MTUS2: variants seen among roughly 807,000 people sequenced by gnomAD.
The protein encoded by MTUS2 is microtubule-associated tumor suppressor candidate 2.
In MTUS2, 40 loss-of-function variants were observed where a neutral mutation model predicts 114.1. The observed-to-expected ratio is 0.35, with a 90% confidence interval of 0.27 to 0.46. MTUS2 has a LOEUF of 0.46. Among genes scored for constraint, MTUS2 ranks in the 20% least tolerant of loss-of-function variants. MTUS2 has a pLI of 1.00. For synonymous variants in MTUS2, 688 were observed against 672.0 expected, an observed-to-expected ratio of 1.02 and a Z score of -0.37; for missense variants, 1,679 against 1,705.4, an observed-to-expected ratio of 0.98 and a Z score of 0.27.
intron 2 of MTUS2, among the ~76,000 whole-genome samples, chr13:28,995,926 A>T (rs1355887340): frequency 6.6e-6 from 1 of 152,146 alleles, no homozygotes; most frequent in Non-Finnish European, 1.5e-5. Context: ...AGAACTTCCA[A>T]CACTATGTTG....
intron 7 of MTUS2, among the ~76,000 whole-genome samples, chr13:29,356,834 A>G (rs1335387234): frequency 2.0e-5 from 3 of 152,138 alleles, no homozygotes; most frequent in Non-Finnish European, 4.4e-5. Flanking sequence ...CGGAGCCTTG[A>G]TCTGTGCTCT....
chr13:29,114,067 G>A (rs1263071382), intron 5 of MTUS2, among the ~76,000 whole-genome samples: 1 of 152,000 alleles, frequency 6.6e-6, no homozygotes, highest in African/African-American at 2.4e-5. Context: ...TTCACCTTCT[G>A]CCATGATTGG....
chr13:29,479,096 A>G (rs1227967718), intron 9 of MTUS2, among the ~76,000 whole-genome samples: 2 of 152,182 alleles, frequency 1.3e-5, no homozygotes, highest in African/African-American at 4.8e-5. Context: ...GTCATCAGTA[A>G]CCACCACTAG....
At chr13:29,210,340 C>G (rs1895372511) in intron 5 of MTUS2, among the ~76,000 whole-genome samples, 1 of 151,848 alleles carries the variant, frequency 6.6e-6, no homozygotes, top group Non-Finnish European at 1.5e-5. Context: ...TGTTCTGTAA[C>G]TTTGTTTTCT....
chr13:29,096,863 C>G (rs1890199861), intron 4 of MTUS2, among the ~76,000 whole-genome samples: 1 of 152,140 alleles, frequency 6.6e-6, no homozygotes, highest in African/African-American at 2.4e-5. Context: ...GAACTTCTAG[C>G]CTATGGTGAG....
chr13:29,327,362 G>T (rs969976338), intron 7 of MTUS2, among the ~76,000 whole-genome samples: 1 of 152,040 alleles, frequency 6.6e-6, no homozygotes, highest in African/African-American at 2.4e-5. Context: ...AACCTTCCAA[G>T]TTTCCTGGGA....
At chr13:29,159,919 T>G (rs1302236366) in intron 5 of MTUS2, among the ~76,000 whole-genome samples, 1 of 152,262 alleles carries the variant, frequency 6.6e-6, no homozygotes. Context: ...ACAGCCACTC[T>G]GGAAAGCAGT....
Position 29,503,349 on chromosome 13 carries a change from C to T in MTUS2, c.*143C>T. On this transcript the variant is annotated 3_prime_UTR_variant, in exon 16 of 16. Coordinates refer to ENST00000612955, the MANE Select transcript of MTUS2 (RefSeq NM_001033602.4). The stretch of plus-strand genomic sequence containing the variant: ...CATCCTAGGCGCGTCCTCCTCTGAT[C>T]CCCGTGTAAGACTGCCCTGGTGTCG... The T allele has an allele frequency of 2.3e-6, 2 of 883,704 alleles. No individual in the cohort carries two copies. The highest frequency in any genetic ancestry group is 3.5e-6 in the Non-Finnish European group (2 of 575,896). 54.7% of individuals were successfully genotyped at this position (883,704 alleles called of 1,614,324 possible). A position where few individuals can be genotyped will look rare whatever the true frequency, so the allele number is the denominator to read the frequency against.
intron 5 of MTUS2, among the ~76,000 whole-genome samples, chr13:29,214,104 C>T (rs1895574722): frequency 6.6e-6 from 1 of 151,754 alleles, no homozygotes; most frequent in African/African-American, 2.4e-5. Flanking sequence ...CAGCATACTT[C>T]CATCTCTTTC....
chr13:28,925,440 T>G (rs1881273057), intron 2 of MTUS2, among the ~76,000 whole-genome samples: 1 of 152,252 alleles, frequency 6.6e-6, no homozygotes, highest in Admixed American at 6.5e-5. Flanking sequence ...TAATACTTGA[T>G]TATCCTTTAT....
At chr13:29,484,751 T>C (rs952814317) in intron 10 of MTUS2, 1 of 152,238 alleles carries the variant, frequency 6.6e-6, no homozygotes, top group Non-Finnish European at 1.5e-5. Flanking sequence ...GCTGAGACAA[T>C]GTAAAACACA....
At chr13:29,189,104 G>T (rs1894342372) in intron 5 of MTUS2, among the ~76,000 whole-genome samples, 1 of 152,186 alleles carries the variant, frequency 6.6e-6, no homozygotes, top group Non-Finnish European at 1.5e-5. Context: ...AGGAATTAGT[G>T]TTCCTAGAAT....
At chr13:29,386,773 A>T (rs547765105) in intron 8 of MTUS2, among the ~76,000 whole-genome samples, 1 of 152,182 alleles carries the variant, frequency 6.6e-6, no homozygotes, top group Non-Finnish European at 1.5e-5. Flanking sequence ...ATTAGCCTAC[A>T]TTCTAAATAG....
chr13:29,437,190 G>T (rs1381138939), intron 8 of MTUS2, among the ~76,000 whole-genome samples: 1 of 152,138 alleles, frequency 6.6e-6, no homozygotes, highest in Non-Finnish European at 1.5e-5. Flanking sequence ...GAGTTGATTT[G>T]TTGTTTTTGT....
chr13:29,362,635 C>T (rs1870364085), intron 8 of MTUS2, among the ~76,000 whole-genome samples: 1 of 152,168 alleles, frequency 6.6e-6, no homozygotes, highest in Admixed American at 6.5e-5. Flanking sequence ...TGCAGTGAAC[C>T]GAGATTGCTC....
intron 2 of MTUS2, among the ~76,000 whole-genome samples, chr13:28,900,604 T>C (rs966759318): frequency 6.6e-5 from 10 of 152,348 alleles, no homozygotes; most frequent in Non-Finnish European, 1.2e-4. Flanking sequence ...TCCAAGTTGT[T>C]GTATCAATAG....
intron 6 of MTUS2, among the ~76,000 whole-genome samples, chr13:29,302,275 C>T (rs571972660): frequency 1.2e-4 from 19 of 152,280 alleles, no homozygotes; most frequent in South Asian, 4.2e-4. Flanking sequence ...ACCCCCACCC[C>T]CAGCCAAGGG....
At chr13:29,239,978 C>T (rs1012872678) in intron 5 of MTUS2, 1 of 151,928 alleles carries the variant, frequency 6.6e-6, no homozygotes, top group African/African-American at 2.4e-5. Context: ...AAACAACAAC[C>T]CAGAAACTGA....
At chr13:29,139,855 A>G (rs1290248832) in intron 5 of MTUS2, among the ~76,000 whole-genome samples, 1 of 152,230 alleles carries the variant, frequency 6.6e-6, no homozygotes, top group Non-Finnish European at 1.5e-5. Context: ...CAGCAGGCAC[A>G]TGGGCAAAGA....
Sources: allele counts gnomAD v4.1 joint callset (sites outside exome capture counted in the v4.1 genomes callset), GRCh38; gene constraint gnomAD v4.1.1; transcripts MANE v1.5; gene names NCBI Gene and HGNC (gene_info 2026-07-23, HGNC 2026-07-21).